PKIB: variants seen among roughly 807,000 people sequenced by gnomAD.
The protein encoded by PKIB is cAMP-dependent protein kinase inhibitor beta.
PKIB carries 2 observed loss-of-function variants against 4.5 expected under a neutral mutation model. The observed-to-expected ratio is 0.44, with a 90% CI of 0.18 to 1.39. The LOEUF is 1.39. Ranked by LOEUF, PKIB falls within the 40% of genes most tolerant of loss-of-function variation. PKIB has a pLI of 0.27. For missense variants in PKIB, 94 were observed against 92.6 expected (o/e 1.02, Z -0.06); for synonymous variants, 38 against 36.0 (o/e 1.06, Z -0.20).
At chr6:122,493,635 TC>T (rs1775997683) in intron 2 of PKIB, among the ~76,000 whole-genome samples, 1 of 152,222 alleles carries the variant, frequency 6.6e-6, no homozygotes, top group Non-Finnish European at 1.5e-5. Flanking sequence ...AAGTAGTACC[TC>T]TTGTCTGAGA....
chr6:122,636,299 T>G (rs1349063622), intron 2 of PKIB, among the ~76,000 whole-genome samples: 1 of 152,040 alleles, frequency 6.6e-6, no homozygotes, highest in Admixed American at 6.6e-5. Flanking sequence ...AAATATATAT[T>G]TTACTAAAAA....
At chr6:122,554,247 A>G (rs1772773139) in intron 2 of PKIB, among the ~76,000 whole-genome samples, 1 of 152,214 alleles carries the variant, frequency 6.6e-6, no homozygotes, top group Non-Finnish European at 1.5e-5. Flanking sequence ...TACAATAATG[A>G]CAGAAAAAGT....
chr6:122,551,664 C>T (rs1344302530), intron 2 of PKIB, among the ~76,000 whole-genome samples: 4 of 152,038 alleles, frequency 2.6e-5, no homozygotes, highest in South Asian at 2.1e-4. Flanking sequence ...CTGGAAGCCA[C>T]GAGGAAAGAA....
intron 2 of PKIB, among the ~76,000 whole-genome samples, chr6:122,539,694 A>G (rs1207439782): frequency 1.3e-5 from 2 of 152,010 alleles, no homozygotes; most frequent in Non-Finnish European, 2.9e-5. Flanking sequence ...TGCTGGCCTC[A>G]TAAAATGAGT....
chr6:122,486,011 C>T lies in PKIB; in HGVS notation c.-248+8072C>T, dbSNP rs189619731. 3.2e-3 allele frequency among the ~76,000 whole-genome samples: 481 copies of T among 152,280 alleles called. 3 individuals carry two copies. Among genetic ancestry groups the T allele is most frequent in the Non-Finnish European group, 4.0e-3 (273 of 68,010 alleles). On this transcript the variant is annotated intron_variant, in intron 2 of 6. Coordinates refer to the PKIB transcript ENST00000392491. ...TGTTTCTTTCTAGAAATAACATATT[C>T]ATAGACACATACACAAATGTGGCTA...
At chr6:122,707,974 T>TAAAAA (rs10653120) in intron 3 of PKIB, among the ~76,000 whole-genome samples, 150,500 of 152,236 alleles carry the variant, frequency 0.99, 74,413 homozygotes, top group Middle Eastern at 1. Flanking sequence ...AAATTCATGT[T>TAAAAA]GAAAAGTGGA....
chr6:122,645,881 G>A (rs749706871), intron 2 of PKIB, among the ~76,000 whole-genome samples: 2 of 152,068 alleles, frequency 1.3e-5, no homozygotes, highest in Non-Finnish European at 2.9e-5. Context: ...TTTGAAAACT[G>A]AAAAACTCAA....
At chr6:122,563,428 G>A (rs1200407829) in intron 2 of PKIB, among the ~76,000 whole-genome samples, 2 of 152,040 alleles carry the variant, frequency 1.3e-5, no homozygotes, top group Non-Finnish European at 2.9e-5. Context: ...CTCTATTTTT[G>A]TGCTGGTTGG....
rs188708356 is a variant in PKIB at position 122,706,990 on chromosome 6, C to T, written c.-8-10797C>T. 1.0e-3 allele frequency among the ~76,000 whole-genome samples: 159 copies of T among 151,738 alleles called. 7 individuals carry two copies. The East Asian group carries it at 0.024, about 23-fold the overall frequency. On this transcript the variant is annotated intron_variant, in intron 3 of 4. Transcript: ENST00000368452. ...TAAATATTTTAGATATTTTCATGGC[C>T]TCATTTTTCTATTTAACTTATATAG...
chr6:122,694,553 T>C (rs1778485897), intron 3 of PKIB, among the ~76,000 whole-genome samples: 1 of 152,210 alleles, frequency 6.6e-6, no homozygotes, highest in African/African-American at 2.4e-5. Context: ...TTCTCAATTT[T>C]TTTTTCTTCT....
At chr6:122,490,748 T>A (rs1485766462) in intron 2 of PKIB, among the ~76,000 whole-genome samples, 1 of 152,224 alleles carries the variant, frequency 6.6e-6, no homozygotes. Context: ...TCAACCTCTT[T>A]TATTTATAAA....
chr6:122,718,812 A>G (rs1340653504), intron 4 of PKIB, among the ~76,000 whole-genome samples: 2 of 152,096 alleles, frequency 1.3e-5, no homozygotes, highest in Admixed American at 6.6e-5. Context: ...TAAAGTTGCA[A>G]ATGTTCCTGG....
intron 2 of PKIB, among the ~76,000 whole-genome samples, chr6:122,514,388 G>GT (rs1016602734): frequency 1.3e-5 from 2 of 152,132 alleles, no homozygotes; most frequent in Non-Finnish European, 2.9e-5. Flanking sequence ...ATTCTCTATG[G>GT]TGGTACATGC....
intron 2 of PKIB, among the ~76,000 whole-genome samples, chr6:122,638,549 A>C (rs1776014673): frequency 6.6e-6 from 1 of 152,186 alleles, no homozygotes; most frequent in Admixed American, 6.5e-5. Flanking sequence ...GCTGACAGGG[A>C]ATCTGCTCCC....
chr6:122,588,723 A>G (rs1379093008), intron 3 of PKIB, among the ~76,000 whole-genome samples: 1 of 152,220 alleles, frequency 6.6e-6, no homozygotes, highest in East Asian at 1.9e-4. Context: ...GAAACATTGT[A>G]GACTCTTATA....
chr6:122,600,214 G>A (rs1027323720), intron 3 of PKIB, among the ~76,000 whole-genome samples: 4 of 152,062 alleles, frequency 2.6e-5, no homozygotes, highest in African/African-American at 7.2e-5. Flanking sequence ...ATGTAGGCTG[G>A]GAGGCTAGGC....
chr6:122,653,627 C>T lies in PKIB; in HGVS notation c.-76+20260C>T, dbSNP rs1776654991. Reference sequence around the variant, plus strand: ...ACTCAATGCATTTTCTTTAATGTAACTTGAAGGGATTATTTGAAAAAAAAA... The same window carrying T: ...ACTCAATGCATTTTCTTTAATGTAATTTGAAGGGATTATTTGAAAAAAAAA... On this transcript the variant is annotated intron_variant, in intron 2 of 4. Transcript: ENST00000368452. 2.7e-5 allele frequency among the ~76,000 whole-genome samples: 4 copies of T among 147,094 alleles called. No individual in the cohort carries two copies. The South Asian group carries it at 8.9e-4, about 33-fold the overall frequency.
intron 2 of PKIB, among the ~76,000 whole-genome samples, chr6:122,538,936 T>G (rs1226813619): frequency 1.3e-5 from 2 of 152,080 alleles, no homozygotes; most frequent in Admixed American, 1.3e-4. Context: ...TTATTCTCTT[T>G]GAAGCAATTG....
intron 4 of PKIB, among the ~76,000 whole-genome samples, chr6:122,719,232 G>A (rs962413314): frequency 6.6e-6 from 1 of 152,068 alleles, no homozygotes; most frequent in African/African-American, 2.4e-5. Flanking sequence ...GCAAAAGAGA[G>A]CAAATACACT....
Sources: allele counts gnomAD v4.1 joint callset (sites outside exome capture counted in the v4.1 genomes callset), GRCh38; gene constraint gnomAD v4.1.1; transcripts MANE v1.5; gene names NCBI Gene and HGNC (gene_info 2026-07-23, HGNC 2026-07-21).